Variants in DIAPH3 observed in about 807,000 individuals in gnomAD.
The protein encoded by DIAPH3 is diaphanous related formin 3, also known as protein diaphanous homolog 3.
Under a neutral mutation model 144.3 loss-of-function variants are expected in DIAPH3, and 117 were observed. That is an observed-to-expected ratio of 0.81 (90% CI 0.70 to 0.95). The LOEUF (loss-of-function observed/expected upper bound fraction) is 0.95, where lower values mean the gene tolerates loss of function less well. Among genes scored for constraint, DIAPH3 ranks in the 40% least tolerant of loss-of-function variants. The pLI, the probability that DIAPH3 is intolerant of heterozygous loss-of-function variation, is 0.00. For missense variants in DIAPH3, 1,421 were observed against 1,412.7 expected (o/e 1.01, Z -0.09); for synonymous variants, 519 against 488.9 (o/e 1.06, Z -0.81).
At chr13:60,072,756 A>G (rs1214080756) in intron 4 of DIAPH3, among the ~76,000 whole-genome samples, 3 of 152,310 alleles carry the variant, frequency 2.0e-5, no homozygotes, top group East Asian at 1.9e-4. Flanking sequence ...AAAGATAACT[A>G]AAGAATGCAC....
At chr13:59,811,535 G>A (rs1172734189) in intron 24 of DIAPH3, among the ~76,000 whole-genome samples, 2 of 151,904 alleles carry the variant, frequency 1.3e-5, no homozygotes, top group East Asian at 1.9e-4. Context: ...TCAGTAGATC[G>A]AGACCATCCT....
intron 24 of DIAPH3, among the ~76,000 whole-genome samples, chr13:59,812,709 A>G (rs907512119): frequency 6.6e-6 from 1 of 152,146 alleles, no homozygotes; most frequent in African/African-American, 2.4e-5. Context: ...TAGGAGACAG[A>G]AGGCCAGTAT....
chr13:59,967,783 A>C (rs897778200), intron 17 of DIAPH3, among the ~76,000 whole-genome samples: 11 of 152,178 alleles, frequency 7.2e-5, no homozygotes, highest in Non-Finnish European at 1.3e-4. Flanking sequence ...ATGAAGTCCC[A>C]AAAAAATAGT....
At chr13:59,917,455 C>CATTAAT (rs2047275751) in intron 18 of DIAPH3, among the ~76,000 whole-genome samples, 2 of 152,076 alleles carry the variant, frequency 1.3e-5, no homozygotes, top group South Asian at 4.1e-4. Context: ...TTAACAAGGG[C>CATTAAT]ATCATCTGTA....
intron 17 of DIAPH3, among the ~76,000 whole-genome samples, chr13:59,952,924 A>G (rs2049174320): frequency 6.6e-6 from 1 of 152,216 alleles, no homozygotes; most frequent in Non-Finnish European, 1.5e-5. Flanking sequence ...AGTAAATGAA[A>G]CAAAGAGCTC....
chr13:59,783,572 A>ATAGTAAAGTGG (rs2038866134), intron 25 of DIAPH3, among the ~76,000 whole-genome samples: 1 of 152,246 alleles, frequency 6.6e-6, no homozygotes, highest in African/African-American at 2.4e-5. Context: ...GAGTACAAGC[A>ATAGTAAAGTGG]TAGTAAAGTG....
chr13:59,903,301 A>G (rs775830533), intron 20 of DIAPH3, among the ~76,000 whole-genome samples: 9 of 152,216 alleles, frequency 5.9e-5, no homozygotes, highest in Non-Finnish European at 1.3e-4. Flanking sequence ...ACTTGGAGAT[A>G]TTTAGTCTGG....
At chr13:60,072,918 C>T (rs1021453082) in intron 4 of DIAPH3, among the ~76,000 whole-genome samples, 1 of 152,148 alleles carries the variant, frequency 6.6e-6, no homozygotes, top group African/African-American at 2.4e-5. Context: ...AAAATATTAA[C>T]AATAGTTACC....
intron 17 of DIAPH3, among the ~76,000 whole-genome samples, chr13:59,953,247 C>G (rs1942205996): frequency 6.6e-6 from 1 of 152,072 alleles, no homozygotes; most frequent in African/African-American, 2.4e-5. Flanking sequence ...CCTGGCATAT[C>G]TGGGGTACAT....
intron 13 of DIAPH3, among the ~76,000 whole-genome samples, chr13:59,982,119 G>T (rs1358860254): frequency 6.6e-6 from 1 of 151,276 alleles, no homozygotes; most frequent in African/African-American, 2.4e-5. Flanking sequence ...GAAATACAAT[G>T]ACATTCTCTT....
chr13:59,852,516 T>A (rs2139863880), intron 22 of DIAPH3, among the ~76,000 whole-genome samples: 1 of 152,296 alleles, frequency 6.6e-6, no homozygotes, highest in South Asian at 2.1e-4. Flanking sequence ...AAATCTTATG[T>A]CAAAGTTCAA....
At chr13:60,156,918 CAT>C (rs1233542016) in intron 1 of DIAPH3, among the ~76,000 whole-genome samples, 1,531 of 55,568 alleles carry the variant, frequency 0.028, 113 homozygotes, top group African/African-American at 0.11. Context: ...CCAGATCCTT[CAT>C]ATATATATAT....
chr13:59,689,512 G>A (rs573299971), intron 27 of DIAPH3, among the ~76,000 whole-genome samples: 1 of 152,132 alleles, frequency 6.6e-6, no homozygotes, highest in African/African-American at 2.4e-5. Context: ...TATATATCTG[G>A]TGCACCAGAA....
chr13:59,775,318 C>CT (rs2038349781), intron 25 of DIAPH3, among the ~76,000 whole-genome samples: 1 of 152,122 alleles, frequency 6.6e-6, no homozygotes, highest in Non-Finnish European at 1.5e-5. Flanking sequence ...TCTCTACTCA[C>CT]TGCAAGCCCT....
At chr13:59,725,307 C>A (rs1337939438) in intron 27 of DIAPH3, among the ~76,000 whole-genome samples, 1 of 152,088 alleles carries the variant, frequency 6.6e-6, no homozygotes, top group African/African-American at 2.4e-5. Flanking sequence ...TTCTTCTTAT[C>A]CTTGTTATAT....
chr13:59,907,513 C>CA (rs905089454), intron 20 of DIAPH3, among the ~76,000 whole-genome samples: 5 of 151,704 alleles, frequency 3.3e-5, no homozygotes, highest in African/African-American at 9.7e-5. Context: ...TGATCATCTA[C>CA]AAAAAAAAGT....
At chr13:60,027,521 C>CAAATAAAATGA (rs1327943920) in intron 5 of DIAPH3, among the ~76,000 whole-genome samples, 1 of 151,580 alleles carries the variant, frequency 6.6e-6, no homozygotes, top group Admixed American at 6.6e-5. Flanking sequence ...GAAAGCATTC[C>CAAATAAAATGA]AAATAAAATG....
intron 27 of DIAPH3, among the ~76,000 whole-genome samples, chr13:59,700,181 AG>A (rs2034024477): frequency 6.6e-6 from 1 of 152,186 alleles, no homozygotes; most frequent in South Asian, 2.1e-4. Context: ...GGAAAGATGA[AG>A]GGGGAGGAAA....
At chr13:59,774,007 GGCA>G in intron 27 of DIAPH3, 179 bp downstream of exon 27, 1 of 501,242 alleles carries the variant, frequency 2.0e-6, no homozygotes, top group Non-Finnish European at 3.4e-6. Flanking sequence ...ACAACCTCAA[GGCA>G]ATAATATAAG....
Sources: allele counts gnomAD v4.1 joint callset (sites outside exome capture counted in the v4.1 genomes callset), GRCh38; gene constraint gnomAD v4.1.1; transcripts MANE v1.5; gene names NCBI Gene and HGNC (gene_info 2026-07-23, HGNC 2026-07-21).